FBLN1: variants seen among roughly 807,000 people sequenced by gnomAD.
FBLN1 encodes the protein fibulin-1.
FBLN1 carries 34 observed loss-of-function variants against 89.7 expected under a neutral mutation model. That is an observed-to-expected ratio of 0.38 (90% confidence interval 0.29 to 0.50). The LOEUF (loss-of-function observed/expected upper bound fraction) is 0.50, where lower values mean the gene tolerates loss of function less well. FBLN1 is among the 20% of genes least tolerant of loss of function. The pLI, the probability that FBLN1 is intolerant of heterozygous loss-of-function variation, is 0.92. For missense variants in FBLN1, 777 were observed against 988.1 expected (o/e 0.79, Z 2.86); for synonymous variants, 393 against 391.3 (o/e 1.00, Z -0.05).
In FBLN1 at chr22:45,562,792, C is replaced by T. The variant is rs1443686647; in HGVS notation, c.1698-11719C>T. The T allele has an allele frequency of 2.9e-5, 28 of 967,658 alleles. No individual in the cohort carries two copies. Among genetic ancestry groups the T allele is most frequent in the South Asian group, 3.9e-5 (3 of 77,642 alleles). 59.9% of individuals were successfully genotyped at this position (967,658 alleles called of 1,614,324 possible). On this transcript the variant is annotated intron_variant, in intron 14 of 16. Transcript: ENST00000327858. The surrounding 1 kb of genome is among the most constrained non-coding windows in gnomAD (Gnocchi z 7.8). Reference sequence around the variant, plus strand: ...GGTGTGCCCTTCGTGTTGGCTGAATCGGCCAGAGGGGCGGCGGGAGGCCCC... The same window carrying T: ...GGTGTGCCCTTCGTGTTGGCTGAATTGGCCAGAGGGGCGGCGGGAGGCCCC...
In FBLN1 at chr22:45,539,313, G is replaced by A. The variant is rs888013229; in HGVS notation, c.923-1916G>A. 1.3e-4 allele frequency among the ~76,000 whole-genome samples: 19 copies of A among 147,252 alleles called. No individual in the cohort carries two copies. The East Asian group carries it at 2.8e-3, about 22-fold the overall frequency. ...CCTGCTGGGTTCAAGCAGTTCTCCT[G>A]TCTCAGCCTCCCAAGTAGCTGGGAT... is the stretch of plus-strand genomic sequence containing the variant. On this transcript the variant is annotated intron_variant, in intron 8 of 16. Transcript: ENST00000327858.
intron 16 of FBLN1, among the ~76,000 whole-genome samples, chr22:45,599,930 C>A (rs1601551752): frequency 6.6e-6 from 1 of 152,194 alleles, no homozygotes. Flanking sequence ...AAACAAAAGA[C>A]AAACAAAAAA....
chr22:45,508,227 T>C (rs1171227166), intron 1 of FBLN1, among the ~76,000 whole-genome samples: 1 of 151,364 alleles, frequency 6.6e-6, no homozygotes, highest in East Asian at 2.0e-4. Context: ...GGACTTGAGC[T>C]TGGGCAGCTT....
chr22:45,548,158 C>G (rs1358216115), intron 12 of FBLN1, among the ~76,000 whole-genome samples: 1 of 152,152 alleles, frequency 6.6e-6, no homozygotes, highest in Non-Finnish European at 1.5e-5. Flanking sequence ...TAGCAATTCT[C>G]CCACCTCTGC....
At chr22:45,525,383 C>T (rs1020671792) in intron 2 of FBLN1, among the ~76,000 whole-genome samples, 160 bp from the exon 3 acceptor site, 2 of 152,216 alleles carry the variant, frequency 1.3e-5, no homozygotes, top group African/African-American at 2.4e-5. Flanking sequence ...GCTAATTGAG[C>T]TCCTTCTGTA....
chr22:45,587,812 A>T (rs1235114058), intron 16 of FBLN1, among the ~76,000 whole-genome samples: 3 of 151,836 alleles, frequency 2.0e-5, no homozygotes, highest in Non-Finnish European at 4.4e-5. Flanking sequence ...GTGAACTCCT[A>T]TTCATCCCTC....
In FBLN1 at chr22:45,550,671, C is replaced by T; in HGVS notation, c.1697+56C>T. On this transcript the variant is annotated intron_variant, in intron 14 of 16. Transcript: ENST00000327858. This position sits in a 1 kb window ranked among gnomAD's most constrained non-coding sequence, Gnocchi z 8.4. Reference sequence around the variant, plus strand: ...TGTCTGTGTTGGCCTTCCTGGTGACCCAGTTCCCGGGTGGGTGGGTTATCA... The same window carrying T: ...TGTCTGTGTTGGCCTTCCTGGTGACTCAGTTCCCGGGTGGGTGGGTTATCA... The T allele has an allele frequency of 6.2e-7, 1 of 1,613,414 alleles. No homozygotes were observed. The highest frequency in any genetic ancestry group is 8.5e-7 in the Non-Finnish European group (1 of 1,179,818).
At chr22:45,540,208 A>G (rs2088536741) in intron 8 of FBLN1, among the ~76,000 whole-genome samples, 1 of 152,182 alleles carries the variant, frequency 6.6e-6, no homozygotes, top group Non-Finnish European at 1.5e-5. Context: ...TTGGCCCCTG[A>G]CTTCAGCCAT....
intron 16 of FBLN1, 130 bp from the exon 17 acceptor site, chr22:45,600,177 C>T (rs1266014331): frequency 5.6e-6 from 6 of 1,068,062 alleles, no homozygotes; most frequent in Non-Finnish European, 8.6e-6. Context: ...GAGCATCTGG[C>T]GTAGGATGGG....
chr22:45,530,825 G>A lies in FBLN1; in HGVS notation c.485-440G>A, dbSNP rs2088395955. On this transcript the variant is annotated intron_variant, in intron 4 of 16. Coordinates refer to ENST00000327858, the MANE Select transcript of FBLN1 (RefSeq NM_006486.3). This position sits in a 1 kb window ranked among gnomAD's most constrained non-coding sequence, Gnocchi z 5.4. ...GTTGCCCAGGCTGGAGTGCAATGGT[G>A]TGATCTTGACTCACTGCAACCTCCG... 6.6e-6 allele frequency among the ~76,000 whole-genome samples: 1 copy of A among 152,034 alleles called. No individual in the cohort carries two copies. The highest frequency in any genetic ancestry group is 1.5e-5 in the Non-Finnish European group (1 of 68,010).
At chr22:45,560,272 C>T (rs1396503497) in intron 14 of FBLN1, among the ~76,000 whole-genome samples, 1 of 152,198 alleles carries the variant, frequency 6.6e-6, no homozygotes, top group African/African-American at 2.4e-5. Flanking sequence ...GACTGTGGTT[C>T]CCACTGTTAG....
intron 14 of FBLN1, among the ~76,000 whole-genome samples, chr22:45,564,399 C>T (rs1295568642): frequency 6.6e-6 from 1 of 152,246 alleles, no homozygotes; most frequent in East Asian, 1.9e-4. Context: ...GAAGGCCGTG[C>T]CTAATTTAGT....
chr22:45,542,296 C>G lies in FBLN1; in HGVS notation c.1195+13C>G, dbSNP rs758988093. 1.2e-6 allele frequency: 2 copies of G among 1,613,414 alleles called. No homozygotes were observed. The highest frequency in any genetic ancestry group is 1.3e-5 in the African/African-American group (1 of 75,046). ...AGGATGTGTGTCGGTGCGTGGGGGGCCCCGCAGGCCTCGGGGGAACCCAGC... is the reference window on the plus strand; with the variant it reads ...AGGATGTGTGTCGGTGCGTGGGGGGGCCCGCAGGCCTCGGGGGAACCCAGC... On this transcript the variant is annotated intron_variant, in intron 10 of 16. Coordinates refer to ENST00000327858, the MANE Select transcript of FBLN1 (RefSeq NM_006486.3).
At position 45,574,338 on chromosome 22, in the gene FBLN1, A is replaced by T. The variant is rs547485202; in HGVS notation, c.1698-173A>T. 6.6e-6 allele frequency among the ~76,000 whole-genome samples: 1 copy of T among 152,180 alleles called. No individual in the cohort carries two copies. The highest frequency in any genetic ancestry group is 6.5e-5 in the Admixed American group (1 of 15,274). On this transcript the variant is annotated intron_variant, in intron 14 of 16. Transcript: ENST00000327858. This position sits in a 1 kb window ranked among gnomAD's most constrained non-coding sequence, Gnocchi z 4.1. Reference sequence around the variant, plus strand: ...GTCCAGTTTGCAGGAAGGGCCATGAAGCCTCCCCACAGAGCAGCCAGGCTG... The same window carrying T: ...GTCCAGTTTGCAGGAAGGGCCATGATGCCTCCCCACAGAGCAGCCAGGCTG...
At chr22:45,503,469 C>T (rs1602152591) in intron 1 of FBLN1, 1 of 155,120 alleles carries the variant, frequency 6.4e-6, no homozygotes, top group African/African-American at 2.4e-5. Flanking sequence ...CTTTCCTCAC[C>T]GCTTCCCGCC....
At chr22:45,546,179 C>CAAAA (rs34103756) in intron 11 of FBLN1, among the ~76,000 whole-genome samples, 8 of 148,060 alleles carry the variant, frequency 5.4e-5, no homozygotes, top group African/African-American at 2.0e-4. Context: ...GACTTTGTCT[C>CAAAA]AAAAAAAAAA....
chr22:45,573,059 T>G (rs551834003), intron 14 of FBLN1, among the ~76,000 whole-genome samples: 27 of 152,116 alleles, frequency 1.8e-4, no homozygotes, highest in African/African-American at 6.5e-4. Flanking sequence ...AAGCCCCATC[T>G]CTACTAAATA....
intron 16 of FBLN1, among the ~76,000 whole-genome samples, chr22:45,589,988 T>G (rs1484427054): frequency 6.6e-6 from 1 of 152,208 alleles, no homozygotes; most frequent in East Asian, 1.9e-4. Context: ...TTGCTTACCT[T>G]TATCAGCCTC....
chr22:45,534,323 A>G (rs1386642975), intron 7 of FBLN1, among the ~76,000 whole-genome samples: 5 of 145,308 alleles, frequency 3.4e-5, no homozygotes, highest in Admixed American at 2.8e-4. Flanking sequence ...AAAAAAAAGC[A>G]AAAACAAAAA....
Sources: allele counts gnomAD v4.1 joint callset (sites outside exome capture counted in the v4.1 genomes callset), GRCh38; gene constraint gnomAD v4.1.1; non-coding constraint Gnocchi (gnomAD v3.1); transcripts MANE v1.5; gene names NCBI Gene and HGNC (gene_info 2026-07-23, HGNC 2026-07-21).